AQP9: variants seen among roughly 807,000 people sequenced by gnomAD.
AQP9 encodes aquaporin 9, also known as aquaporin-9.
In AQP9, 19 loss-of-function variants were observed where a neutral mutation model predicts 23.8. That is an observed-to-expected ratio of 0.80 (90% confidence interval 0.56 to 1.17). AQP9 has a LOEUF of 1.17. Ranked by LOEUF, AQP9 falls within the 50% of genes most tolerant of loss-of-function variation. AQP9 has a pLI of 0.00. For synonymous variants in AQP9, 153 were observed against 131.5 expected (o/e 1.16, Z -1.12); for missense variants, 413 against 362.0 (o/e 1.14, Z -1.14).
chr15:58,170,893 G>A (rs1249985249), intron 2 of AQP9, among the ~76,000 whole-genome samples: 2 of 152,006 alleles, frequency 1.3e-5, no homozygotes, highest in Admixed American at 1.3e-4. Flanking sequence ...AAACTCAAGG[G>A]AGTTGGACTG....
At chr15:58,146,115 C>T (rs1477500890) in intron 1 of AQP9, among the ~76,000 whole-genome samples, 3 of 151,982 alleles carry the variant, frequency 2.0e-5, no homozygotes, top group Non-Finnish European at 4.4e-5. Flanking sequence ...TAGTTCTTAA[C>T]TCATTTTTCA....
chr15:58,155,185 G>T (rs938186549), intron 1 of AQP9: 1 of 152,124 alleles, frequency 6.6e-6, no homozygotes, highest in African/African-American at 2.4e-5. Context: ...TGTAAACTAC[G>T]GCTGAATAAT....
At chr15:58,156,083 T>G (rs1354956095) in intron 1 of AQP9, 4 of 152,162 alleles carry the variant, frequency 2.6e-5, no homozygotes, top group African/African-American at 9.7e-5. Context: ...GTAGTATAAC[T>G]CAATGCTCCG....
chr15:58,157,446 G>T (rs747348914), intron 1 of AQP9, among the ~76,000 whole-genome samples: 2 of 152,208 alleles, frequency 1.3e-5, no homozygotes, highest in African/African-American at 4.8e-5. Flanking sequence ...TAAATAAAAT[G>T]TAATAAAGGG....
At chr15:58,158,609 TA>T (rs1160900842) in intron 1 of AQP9, among the ~76,000 whole-genome samples, 3 of 152,180 alleles carry the variant, frequency 2.0e-5, no homozygotes, top group African/African-American at 4.8e-5. Context: ...GTCAAGATGG[TA>T]AATTTTTTGT....
intron 1 of AQP9, among the ~76,000 whole-genome samples, chr15:58,165,202 T>TACATGGTGTTTC (rs1270228363): frequency 2.6e-4 from 39 of 152,202 alleles, no homozygotes; most frequent in Non-Finnish European, 5.7e-4. Context: ...CTTTTTAAAC[T>TACATGGTGTTTC]ACAGCATGGT....
At chr15:58,148,570 A>G (rs1446967192) in intron 1 of AQP9, among the ~76,000 whole-genome samples, 1 of 152,038 alleles carries the variant, frequency 6.6e-6, no homozygotes, top group Non-Finnish European at 1.5e-5. Flanking sequence ...GTCCTCAGCA[A>G]CCCCCACTCA....
chr15:58,166,988 A>C (rs1216942272), intron 2 of AQP9, among the ~76,000 whole-genome samples, 189 bp downstream of exon 2: 1 of 152,246 alleles, frequency 6.6e-6, no homozygotes, highest in Non-Finnish European at 1.5e-5. Context: ...ATGCAAAGGC[A>C]ACATTTAACA....
At chr15:58,179,028 T>C (rs1412781074) in intron 4 of AQP9, 100 bp from the exon 5 acceptor site, 3 of 788,498 alleles carry the variant, frequency 3.8e-6, no homozygotes, top group East Asian at 5.4e-5. Flanking sequence ...AGTAAAATAG[T>C]AATATTGTAA....
At chr15:58,174,307 A>C (rs1440092446) in intron 3 of AQP9, among the ~76,000 whole-genome samples, 3 of 152,114 alleles carry the variant, frequency 2.0e-5, no homozygotes, top group African/African-American at 7.2e-5. Flanking sequence ...AAGAAAAAAA[A>C]AAAGGAAAAG....
intron 1 of AQP9, among the ~76,000 whole-genome samples, chr15:58,147,916 GCA>G (rs561055379): frequency 1.5e-3 from 231 of 149,886 alleles, no homozygotes; most frequent in African/African-American, 5.3e-3. Flanking sequence ...ACATATACAT[GCA>G]CACACACAGA....
chr15:58,182,661 G>A (rs1382033232), intron 5 of AQP9, among the ~76,000 whole-genome samples: 1 of 152,166 alleles, frequency 6.6e-6, no homozygotes, highest in East Asian at 1.9e-4. Flanking sequence ...AAATCCATCT[G>A]GATTTGGGGC....
chr15:58,162,934 C>A (rs1237044986), intron 1 of AQP9, among the ~76,000 whole-genome samples: 1 of 152,170 alleles, frequency 6.6e-6, no homozygotes, highest in Non-Finnish European at 1.5e-5. Context: ...TCATTTAAAG[C>A]CACTAAGTTT....
intron 1 of AQP9, chr15:58,155,385 TAC>T (rs1330891376): frequency 6.6e-6 from 1 of 152,204 alleles, no homozygotes; most frequent in African/African-American, 2.4e-5. Context: ...TCTGAGTTTT[TAC>T]ACACCTATTC....
At chr15:58,166,650 GT>G (rs1236126289) in intron 1 of AQP9, 22 bp from the exon 2 acceptor site, 1 of 1,598,014 alleles carries the variant, frequency 6.3e-7, no homozygotes, top group Non-Finnish European at 8.5e-7. Flanking sequence ...CCACTTACCT[GT>G]TGAGTTTTCC....
At chr15:58,172,005 G>A (rs1387678288) in intron 2 of AQP9, among the ~76,000 whole-genome samples, 1 of 152,188 alleles carries the variant, frequency 6.6e-6, no homozygotes, top group African/African-American at 2.4e-5. Flanking sequence ...ACTAGGAAGT[G>A]AGCCTATATG....
chr15:58,178,761 C>T (rs1294234425), intron 4 of AQP9, among the ~76,000 whole-genome samples: 1 of 152,164 alleles, frequency 6.6e-6, no homozygotes, highest in Non-Finnish European at 1.5e-5. Context: ...GCCTTTCATT[C>T]ATTTTTCCAG....
chr15:58,173,226 C>T, intron 3 of AQP9, 21 bp downstream of exon 3: 5 of 1,613,744 alleles, frequency 3.1e-6, no homozygotes, highest in Non-Finnish European at 4.2e-6. Flanking sequence ...TCCCTGAGTC[C>T]TAAGGTTAGG....
intron 1 of AQP9, among the ~76,000 whole-genome samples, chr15:58,143,410 A>G (rs1214331904): frequency 6.6e-6 from 1 of 152,112 alleles, no homozygotes; most frequent in Non-Finnish European, 1.5e-5. Context: ...CTAAATCTAA[A>G]CTAAATCTAA....
Sources: allele counts gnomAD v4.1 joint callset (sites outside exome capture counted in the v4.1 genomes callset), GRCh38; gene constraint gnomAD v4.1.1; transcripts MANE v1.5; gene names NCBI Gene and HGNC (gene_info 2026-07-23, HGNC 2026-07-21).